Variants in PTPRJ observed in about 807,000 individuals in gnomAD.
The protein encoded by PTPRJ is receptor-type tyrosine-protein phosphatase eta.
In PTPRJ, 129 loss-of-function variants were observed where a neutral mutation model predicts 141.3. The observed-to-expected ratio is 0.91, with a 90% confidence interval of 0.79 to 1.06. The LOEUF (loss-of-function observed/expected upper bound fraction) is 1.06. Ranked by LOEUF, PTPRJ falls within the 50% of genes least tolerant of loss-of-function variation. The probability of loss-of-function intolerance (pLI) is 0.00; values close to 1 mark genes in which losing one functional copy is unlikely to be tolerated. For missense variants in PTPRJ, 1,601 were observed against 1,679.7 expected (o/e 0.95, Z 0.82); for synonymous variants, 610 against 640.5 (o/e 0.95, Z 0.72).
chr11:48,070,145 A>G (rs766679491), intron 1 of PTPRJ, among the ~76,000 whole-genome samples: 1 of 152,202 alleles, frequency 6.6e-6, no homozygotes, highest in Non-Finnish European at 1.5e-5. Flanking sequence ...TATGGTATTT[A>G]GGGGCTACCT....
At position 48,071,902 on chromosome 11, in the gene PTPRJ, A is replaced by ATTT. The variant is rs35087042; in HGVS notation, c.97-38137_97-38135dup. Reference sequence around the variant, plus strand: ...CAGGTGTGAGCTACCACGCCTGGCCATTTTTTTTTTTTTTTTTTTTTGAGA... The same window carrying ATTT: ...CAGGTGTGAGCTACCACGCCTGGCCATTTTTTTTTTTTTTTTTTTTTTTTGAGA... On this transcript the variant is annotated intron_variant, in intron 1 of 24. Transcript: ENST00000418331. 6.2e-3 allele frequency among the ~76,000 whole-genome samples: 508 copies of ATTT among 82,548 alleles called. 26 individuals are homozygous for ATTT. The highest frequency in any genetic ancestry group is 0.022 in the African/African-American group (434 of 20,158). 54.2% of individuals were successfully genotyped at this position (82,548 alleles called of 152,430 possible).
At chr11:48,105,232 C>T (rs945597364) in intron 1 of PTPRJ, among the ~76,000 whole-genome samples, 1 of 152,070 alleles carries the variant, frequency 6.6e-6, no homozygotes, top group Non-Finnish European at 1.5e-5. Context: ...TCACCAGGTC[C>T]TGGCGCACCC....
At chr11:48,032,280 C>T (rs1854003927) in intron 1 of PTPRJ, among the ~76,000 whole-genome samples, 1 of 152,152 alleles carries the variant, frequency 6.6e-6, no homozygotes, top group African/African-American at 2.4e-5. Flanking sequence ...CCTTATGAAA[C>T]ACAACATCAA....
At position 48,168,325 on chromosome 11, in the gene PTPRJ, A is replaced by G. The variant is rs909359932; in HGVS notation, c.*963A>G. ...GATTATTTAAAGGTGCAATATGTGA[A>G]TTAGTGATTCATGATGTTCTAGGTT... On this transcript the variant is annotated 3_prime_UTR_variant, in exon 25 of 25. Coordinates refer to ENST00000418331, the MANE Select transcript of PTPRJ (RefSeq NM_002843.4). The G allele has an allele frequency of 6.6e-5, 10 of 151,544 alleles. No homozygotes were observed. The highest frequency in any genetic ancestry group is 3.3e-4 in the Admixed American group (5 of 15,182). 9.4% of individuals were successfully genotyped at this position (151,544 alleles called of 1,614,324 possible).
intron 16 of PTPRJ, 115 bp downstream of exon 16, chr11:48,149,603 C>G: frequency 1.4e-6 from 1 of 732,498 alleles, no homozygotes; most frequent in East Asian, 2.9e-5. Context: ...ACATTTTGAC[C>G]ATGACCATCT....
At chr11:48,151,338 C>T (rs1049293125) in intron 18 of PTPRJ, among the ~76,000 whole-genome samples, 1 of 151,578 alleles carries the variant, frequency 6.6e-6, no homozygotes, top group African/African-American at 2.4e-5. Flanking sequence ...ATGGCCATCT[C>T]CCCTCATGTG....
At chr11:48,070,349 A>C (rs1855212907) in intron 1 of PTPRJ, among the ~76,000 whole-genome samples, 1 of 152,048 alleles carries the variant, frequency 6.6e-6, no homozygotes, top group Admixed American at 6.5e-5. Context: ...TAAAAATATA[A>C]AAATTAGCCA....
chr11:48,110,663 A>G (rs1856415343), intron 2 of PTPRJ, among the ~76,000 whole-genome samples: 2 of 152,160 alleles, frequency 1.3e-5, no homozygotes, highest in African/African-American at 4.8e-5. Flanking sequence ...TTATTTGTAT[A>G]TTGTTTATGT....
intron 16 of PTPRJ, 52 bp downstream of exon 16, chr11:48,149,540 G>A: frequency 8.5e-7 from 1 of 1,176,812 alleles, no homozygotes; most frequent in Non-Finnish European, 1.2e-6. Context: ...TCTGTTCGGT[G>A]ACTATCTATA....
At chr11:48,020,806 T>C (rs541651793) in intron 1 of PTPRJ, among the ~76,000 whole-genome samples, 2 of 152,134 alleles carry the variant, frequency 1.3e-5, no homozygotes, top group South Asian at 4.2e-4. Context: ...GCAAATGCAC[T>C]AAGAACAGCC....
intron 9 of PTPRJ, 21 bp downstream of exon 9, chr11:48,136,317 T>C (rs2270994): frequency 0.58 from 932,048 of 1,607,938 alleles, 277,744 homozygotes; most frequent in Admixed American, 0.68. Flanking sequence ...TAGGATGCCC[T>C]TCTAAGGAAC....
Position 47,996,069 on chromosome 11 carries a change from T to C in PTPRJ, c.96+15061T>C, listed in dbSNP as rs376680341. Among the ~76,000 whole-genome samples, 85 of 146,314 alleles carry C rather than the reference T, an allele frequency of 5.8e-4. 1 individual carries two copies. Among genetic ancestry groups the C allele is most frequent in the Admixed American group, 2.7e-3 (40 of 14,744 alleles). On this transcript the variant is annotated intron_variant, in intron 1 of 24. Coordinates refer to ENST00000418331, the MANE Select transcript of PTPRJ (RefSeq NM_002843.4). ...AAAAAAAAGGCTGGGTGCGGTGGCT[T>C]ACGCCTGTAATCCCAGCACTATGGG...
chr11:48,120,984 T>TG lies in PTPRJ; in HGVS notation c.353-19_353-18insG. ...CTTTTTGAAGTGCAATAATTTTTTT[T>TG]TTTTTTTTAACAATATAGGGCCCAG... is the stretch of plus-strand genomic sequence containing the variant. On this transcript the variant is annotated intron_variant, in intron 3 of 24. Transcript: ENST00000418331. The TG allele has an allele frequency of 6.6e-7, 1 of 1,515,410 alleles. No individual in the cohort carries two copies. The highest frequency in any genetic ancestry group is 2.5e-5 in the East Asian group (1 of 40,570). 93.9% of individuals were successfully genotyped at this position (1,515,410 alleles called of 1,614,324 possible). A position where few individuals can be genotyped will look rare whatever the true frequency, so the allele number is the denominator to read the frequency against.
At chr11:47,998,444 GA>G (rs1216851081) in intron 1 of PTPRJ, among the ~76,000 whole-genome samples, 1 of 152,168 alleles carries the variant, frequency 6.6e-6, no homozygotes, top group South Asian at 2.1e-4. Context: ...CTGTGTTCTT[GA>G]AAAAATTATC....
chr11:47,986,031 G>C (rs1449662638), intron 1 of PTPRJ, among the ~76,000 whole-genome samples: 1 of 152,052 alleles, frequency 6.6e-6, no homozygotes, highest in Non-Finnish European at 1.5e-5. Context: ...TTGCTGTGTT[G>C]CCCAGGCTGG....
intron 1 of PTPRJ, among the ~76,000 whole-genome samples, chr11:47,982,955 C>G (rs528567407): frequency 4.7e-4 from 71 of 152,198 alleles, no homozygotes; most frequent in African/African-American, 1.7e-3. Context: ...GAAGAAGCAT[C>G]TTCAAAATCC....
In PTPRJ at chr11:48,117,540, C is replaced by CAAAAAAAA; in HGVS notation, c.353-3435_353-3428dup. On this transcript the variant is annotated intron_variant, in intron 3 of 24. Transcript: ENST00000418331. ...TGGGCAACAGAGCAAGATTCTGTCT[C>CAAAAAAAA]AAAAAAAAAAAAAAAAAAAAAAAAA... Among the ~76,000 whole-genome samples the CAAAAAAAA allele has an allele frequency of 4.1e-4, 8 of 19,696 alleles. 1 individual carries two copies. Among genetic ancestry groups the CAAAAAAAA allele is most frequent in the African/African-American group, 4.8e-4 (2 of 4,148 alleles). The allele number at this position is 19,696 out of a possible 152,430, so 12.9% of individuals were successfully genotyped here. A position where few individuals can be genotyped will look rare whatever the true frequency, so the allele number is the denominator to read the frequency against.
At chr11:48,087,838 C>G (rs1855755780) in intron 1 of PTPRJ, among the ~76,000 whole-genome samples, 1 of 152,230 alleles carries the variant, frequency 6.6e-6, no homozygotes, top group South Asian at 2.1e-4. Context: ...ATTTCCCCTT[C>G]CTTCTTCTCC....
chr11:48,150,327 C>CG, intron 18 of PTPRJ, 144 bp downstream of exon 18: 19 of 655,212 alleles, frequency 2.9e-5, no homozygotes, highest in Non-Finnish European at 5.0e-5. Context: ...ATTCTCTCTC[C>CG]TACAGAGTCA....
Sources: allele counts gnomAD v4.1 joint callset (sites outside exome capture counted in the v4.1 genomes callset), GRCh38; gene constraint gnomAD v4.1.1; transcripts MANE v1.5; gene names NCBI Gene and HGNC (gene_info 2026-07-23, HGNC 2026-07-21).